The following LEF1 variants were observed in gnomAD, a reference collection of about 807,000 sequenced individuals.
LEF1 encodes lymphoid enhancer binding factor 1, also known as lymphoid enhancer-binding factor 1.
A neutral mutation model predicts 51.2 loss-of-function variants in LEF1; 14 were observed. The observed-to-expected ratio is 0.27, with a 90% CI of 0.18 to 0.43. The LOEUF (loss-of-function observed/expected upper bound fraction) is 0.43, where lower values mean the gene tolerates loss of function less well. Ranked by LOEUF, LEF1 falls within the 20% of genes least tolerant of loss-of-function variation. LEF1 has a pLI of 1.00. For missense variants in LEF1, 386 were observed against 512.0 expected (o/e 0.75, Z 2.37); for synonymous variants, 185 against 183.2 (o/e 1.01, Z -0.08).
At chr4:108,116,107 T>C (rs1741823158) in intron 3 of LEF1, among the ~76,000 whole-genome samples, 1 of 152,008 alleles carries the variant, frequency 6.6e-6, no homozygotes, top group Non-Finnish European at 1.5e-5. Context: ...TGAGGTAAAA[T>C]AAGAGAGTCA....
In LEF1 at chr4:108,149,658, T is replaced by C. The variant is rs185200625; in HGVS notation, c.414+13910A>G. On this transcript the variant is annotated intron_variant, in intron 3 of 11. Coordinates refer to ENST00000265165, the MANE Select transcript of LEF1 (RefSeq NM_016269.5). The stretch of plus-strand genomic sequence containing the variant: ...ATGTACATATATGTACATGTGTATA[T>C]ATATATATAACTGGATACTATCCAG... Among the ~76,000 whole-genome samples the C allele has an allele frequency of 4.3e-3, 650 of 150,580 alleles. 3 individuals carry two copies. The highest frequency in any genetic ancestry group is 0.015 in the African/African-American group (612 of 41,176).
intron 3 of LEF1, among the ~76,000 whole-genome samples, chr4:108,141,736 T>C (rs1310822216): frequency 6.6e-6 from 1 of 152,188 alleles, no homozygotes; most frequent in Non-Finnish European, 1.5e-5. Flanking sequence ...TCATGTTGGA[T>C]TGCAGCTGCA....
intron 3 of LEF1, among the ~76,000 whole-genome samples, chr4:108,104,364 T>C (rs1741015344): frequency 6.6e-6 from 1 of 150,904 alleles, no homozygotes; most frequent in African/African-American, 2.4e-5. Context: ...AAACCACTGA[T>C]TGAAGGCTAA....
chr4:108,047,596 C>G lies in LEF1; in HGVS notation c.*1162G>C, dbSNP rs976607904. ...TTACAAAGCTTCTTTTAAAAAAATG[C>G]TCAGCACATTAACTCAAACTGGAAT... On this transcript the variant is annotated 3_prime_UTR_variant, in exon 12 of 12. Transcript: ENST00000265165. The G allele has an allele frequency of 6.6e-6, 1 of 152,416 alleles. No homozygotes were observed. Among genetic ancestry groups the G allele is most frequent in the African/African-American group, 2.4e-5 (1 of 41,452 alleles). 9.4% of individuals were successfully genotyped at this position (152,416 alleles called of 1,614,324 possible). A position where few individuals can be genotyped will look rare whatever the true frequency, so the allele number is the denominator to read the frequency against.
At chr4:108,100,470 C>T (rs999721625) in intron 3 of LEF1, among the ~76,000 whole-genome samples, 1 of 152,194 alleles carries the variant, frequency 6.6e-6, no homozygotes, top group Non-Finnish European at 1.5e-5. Context: ...ATAAACTCCA[C>T]TTTGTTCCAT....
chr4:108,061,453 G>C (rs1292028691), intron 11 of LEF1, among the ~76,000 whole-genome samples: 1 of 152,010 alleles, frequency 6.6e-6, no homozygotes, highest in Non-Finnish European at 1.5e-5. Context: ...CTGAAATACA[G>C]AAATACATTT....
intron 3 of LEF1, among the ~76,000 whole-genome samples, chr4:108,093,002 G>C (rs1302814616): frequency 6.6e-6 from 1 of 150,692 alleles, no homozygotes; most frequent in Admixed American, 6.6e-5. Flanking sequence ...AAATGAACCT[G>C]GTGATAGGAG....
intron 3 of LEF1, among the ~76,000 whole-genome samples, chr4:108,102,741 C>A (rs1740911305): frequency 6.6e-6 from 1 of 152,208 alleles, no homozygotes; most frequent in East Asian, 1.9e-4. Context: ...GATTCTAAGT[C>A]TCCAGTAAGT....
intron 3 of LEF1, among the ~76,000 whole-genome samples, chr4:108,126,917 A>G (rs1742580469): frequency 6.6e-6 from 1 of 151,798 alleles, no homozygotes; most frequent in Non-Finnish European, 1.5e-5. Flanking sequence ...GGGGCTAGTC[A>G]TACAAACATG....
chr4:108,157,943 T>C (rs1379312328), intron 3 of LEF1, among the ~76,000 whole-genome samples: 1 of 152,194 alleles, frequency 6.6e-6, no homozygotes, highest in East Asian at 1.9e-4. Context: ...TAGTCCCAGC[T>C]AGATTATCAG....
chr4:108,158,800 T>A (rs2110412990), intron 3 of LEF1, among the ~76,000 whole-genome samples: 1 of 150,790 alleles, frequency 6.6e-6, no homozygotes, highest in Admixed American at 6.6e-5. Context: ...GTCCAGAGAG[T>A]CCCATTTGTG....
Position 108,132,344 on chromosome 4 carries a change from C to T in LEF1, c.414+31224G>A, listed in dbSNP as rs376446952. 2.0e-5 allele frequency among the ~76,000 whole-genome samples: 3 copies of T among 152,158 alleles called. No homozygotes were observed. In the South Asian group the frequency reaches 6.2e-4, roughly 32 times the overall value. ...TACCCATGTCTTAAAGCACATACTT[C>T]CCAGAAAGCTTTGTCTTGGCATCCC... On this transcript the variant is annotated intron_variant, in intron 3 of 11. Coordinates refer to ENST00000265165, the MANE Select transcript of LEF1 (RefSeq NM_016269.5).
intron 3 of LEF1, among the ~76,000 whole-genome samples, chr4:108,092,528 T>C (rs58333585): frequency 0.026 from 4,004 of 152,268 alleles, 160 homozygotes; most frequent in African/African-American, 0.091. Flanking sequence ...TTACTGCCCC[T>C]TGACACTATG....
chr4:108,098,779 A>G (rs1358643454), intron 3 of LEF1, among the ~76,000 whole-genome samples: 2 of 152,220 alleles, frequency 1.3e-5, no homozygotes, highest in African/African-American at 2.4e-5. Flanking sequence ...AGTGCCTTTC[A>G]GAAATCAAAT....
Position 108,068,630 on chromosome 4 carries a change from C to T in LEF1, c.1116+2033G>A, listed in dbSNP as rs74431369. On this transcript the variant is annotated intron_variant, in intron 9 of 11. Coordinates refer to ENST00000265165, the MANE Select transcript of LEF1 (RefSeq NM_016269.5). ...TAAGTAACAGACAGACTCTTACTTCCTGTGTCAAACTTATATCCAATGTCT... is the reference window on the plus strand; with the variant it reads ...TAAGTAACAGACAGACTCTTACTTCTTGTGTCAAACTTATATCCAATGTCT... Among the ~76,000 whole-genome samples, 4 of 152,310 alleles carry T rather than the reference C, an allele frequency of 2.6e-5. No individual in the cohort carries two copies. The East Asian group carries it at 7.7e-4, about 29-fold the overall frequency.
intron 3 of LEF1, among the ~76,000 whole-genome samples, chr4:108,127,411 C>G (rs1742615264): frequency 6.6e-6 from 1 of 152,150 alleles, no homozygotes; most frequent in Non-Finnish European, 1.5e-5. Flanking sequence ...ATCACTGAAG[C>G]TGAATCTCAT....
intron 9 of LEF1, among the ~76,000 whole-genome samples, chr4:108,070,246 A>G (rs776125978): frequency 6.6e-6 from 1 of 152,086 alleles, no homozygotes; most frequent in Non-Finnish European, 1.5e-5. Flanking sequence ...TAAGATCGAG[A>G]AGTATGCAAC....
At chr4:108,065,008 C>T (rs935856680) in intron 9 of LEF1, among the ~76,000 whole-genome samples, 1 of 152,134 alleles carries the variant, frequency 6.6e-6, no homozygotes, top group African/African-American at 2.4e-5. Flanking sequence ...CCTGAGAAAA[C>T]TGAAGATATC....
intron 3 of LEF1, among the ~76,000 whole-genome samples, chr4:108,136,415 A>G (rs966490759): frequency 2.0e-5 from 3 of 151,966 alleles, no homozygotes; most frequent in Non-Finnish European, 4.4e-5. Context: ...AAACATGTAC[A>G]GTTATATAGC....
Sources: allele counts gnomAD v4.1 joint callset (sites outside exome capture counted in the v4.1 genomes callset), GRCh38; gene constraint gnomAD v4.1.1; transcripts MANE v1.5; gene names NCBI Gene and HGNC (gene_info 2026-07-23, HGNC 2026-07-21).